MCC: variants seen among roughly 807,000 people sequenced by gnomAD.
The protein encoded by MCC is MCC regulator of Wnt signaling pathway.
In MCC, 90 loss-of-function variants were observed where a neutral mutation model predicts 116.2. That is an observed-to-expected ratio of 0.77 (90% CI 0.65 to 0.92). The LOEUF (loss-of-function observed/expected upper bound fraction) is 0.92, where lower values mean the gene tolerates loss of function less well. MCC is among the 40% of genes least tolerant of loss of function. The pLI is 0.00. For synonymous variants in MCC, 578 were observed against 510.5 expected, an observed-to-expected ratio of 1.13 and a Z score of -1.78; for missense variants, 1,516 against 1,312.2, an observed-to-expected ratio of 1.16 and a Z score of -2.40.
At chr5:113,238,206 C>T (rs1764223563) in intron 3 of MCC, among the ~76,000 whole-genome samples, 1 of 152,092 alleles carries the variant, frequency 6.6e-6, no homozygotes, top group African/African-American at 2.4e-5. Flanking sequence ...TTGAAATAGA[C>T]ATTAAATCAA....
chr5:113,057,151 AAAG>A (rs1411061930), intron 14 of MCC, among the ~76,000 whole-genome samples: 1 of 152,108 alleles, frequency 6.6e-6, no homozygotes, highest in African/African-American at 2.4e-5. Context: ...CAGGGGAGAG[AAAG>A]AAGGAGAAGT....
intron 1 of MCC, among the ~76,000 whole-genome samples, chr5:113,440,150 C>G (rs1770991782): frequency 6.6e-6 from 1 of 152,204 alleles, no homozygotes; most frequent in South Asian, 2.1e-4. Flanking sequence ...TATGAAAGTG[C>G]CCTTACTGGT....
chr5:113,046,438 C>T (rs373846268), intron 16 of MCC, among the ~76,000 whole-genome samples: 15 of 151,900 alleles, frequency 9.9e-5, no homozygotes, highest in Admixed American at 3.3e-4. Context: ...GTGATCCACC[C>T]GCCTCGGGTT....
chr5:113,402,788 ATGT>A (rs1361767041), intron 1 of MCC, among the ~76,000 whole-genome samples: 1 of 152,100 alleles, frequency 6.6e-6, no homozygotes, highest in African/African-American at 2.4e-5. Flanking sequence ...CAGGCAAGAA[ATGT>A]TGTCATTGTG....
chr5:113,139,757 T>TATA (rs1414675023), intron 5 of MCC, among the ~76,000 whole-genome samples: 1 of 152,208 alleles, frequency 6.6e-6, no homozygotes, highest in East Asian at 1.9e-4. Flanking sequence ...TTACTGGGTA[T>TATA]ATACCCAAAG....
chr5:113,137,904 G>T (rs897265153), intron 5 of MCC, among the ~76,000 whole-genome samples: 2 of 151,868 alleles, frequency 1.3e-5, no homozygotes, highest in Admixed American at 6.6e-5. Flanking sequence ...TCCATAATGC[G>T]ACTTACCACC....
intron 2 of MCC, among the ~76,000 whole-genome samples, chr5:113,360,094 A>T (rs1768509308): frequency 6.6e-6 from 1 of 152,008 alleles, no homozygotes; most frequent in Non-Finnish European, 1.5e-5. Flanking sequence ...ATCACATACA[A>T]CCTCTCGTAT....
Position 113,382,314 on chromosome 5 carries a change from C to T in MCC, c.415+2654G>A, listed in dbSNP as rs189771728. 7.3e-5 allele frequency among the ~76,000 whole-genome samples: 11 copies of T among 150,876 alleles called. No individual in the cohort carries two copies. In the East Asian group the frequency reaches 9.7e-4, roughly 13 times the overall value. On this transcript the variant is annotated intron_variant, in intron 2 of 18. Coordinates refer to ENST00000408903, the MANE Select transcript of MCC (RefSeq NM_001085377.2). ...GATACAGGGTCTTACTCTATCACCC[C>T]GGCTGGAGTGCAGTGGTGTAATCAT...
At chr5:113,076,883 C>A (rs1024467367) in intron 11 of MCC, among the ~76,000 whole-genome samples, 1 of 152,132 alleles carries the variant, frequency 6.6e-6, no homozygotes, top group African/African-American at 2.4e-5. Context: ...AGAGTCAAGA[C>A]CCATGAGTGT....
chr5:113,370,310 C>T (rs1199764173), intron 2 of MCC, among the ~76,000 whole-genome samples: 1 of 152,174 alleles, frequency 6.6e-6, no homozygotes, highest in African/African-American at 2.4e-5. Context: ...CCTTTGGACA[C>T]TGAGGCCCAA....
At chr5:113,111,288 G>A (rs866037887) in intron 6 of MCC, among the ~76,000 whole-genome samples, 1 of 152,172 alleles carries the variant, frequency 6.6e-6, no homozygotes, top group Non-Finnish European at 1.5e-5. Context: ...CCCTCCCCAT[G>A]GCTGTGTGGT....
intron 1 of MCC, among the ~76,000 whole-genome samples, chr5:113,431,721 C>T (rs997733492): frequency 3.1e-5 from 4 of 128,714 alleles, no homozygotes; most frequent in Admixed American, 9.2e-5. Context: ...TGTGGCCAGG[C>T]GCGGTGGCTC....
intron 3 of MCC, among the ~76,000 whole-genome samples, chr5:113,203,527 G>A (rs376671806): frequency 5.9e-5 from 9 of 151,662 alleles, no homozygotes; most frequent in African/African-American, 1.9e-4. Context: ...TGACCTGCCC[G>A]GGGGGCCACC....
chr5:113,279,819 A>C (rs150680280), intron 3 of MCC, among the ~76,000 whole-genome samples: 3 of 152,230 alleles, frequency 2.0e-5, no homozygotes, highest in Non-Finnish European at 2.9e-5. Flanking sequence ...GTGCATCACT[A>C]AACAGTTTTG....
chr5:113,079,753 G>T (rs1754722725), intron 11 of MCC, among the ~76,000 whole-genome samples: 1 of 152,182 alleles, frequency 6.6e-6, no homozygotes, highest in Admixed American at 6.5e-5. Flanking sequence ...CATGGGCAAG[G>T]ACTTCATGAC....
intron 8 of MCC, chr5:113,101,415 G>A: frequency 4.0e-6 from 1 of 249,222 alleles, no homozygotes; most frequent in South Asian, 8.4e-5. Flanking sequence ...AAGACTATTA[G>A]TTTATCCTAA....
intron 3 of MCC, among the ~76,000 whole-genome samples, chr5:113,289,556 A>C (rs1457800379): frequency 6.6e-6 from 1 of 152,134 alleles, no homozygotes; most frequent in African/African-American, 2.4e-5. Context: ...TTTCACTTCC[A>C]TATTTTAAGA....
chr5:113,240,888 T>C (rs993508022), intron 3 of MCC, among the ~76,000 whole-genome samples: 1 of 152,162 alleles, frequency 6.6e-6, no homozygotes, highest in Non-Finnish European at 1.5e-5. Flanking sequence ...AGCTGGGTAC[T>C]AGGCGAGGAA....
intron 1 of MCC, among the ~76,000 whole-genome samples, chr5:113,470,281 C>A (rs559114479): frequency 6.6e-6 from 1 of 151,834 alleles, no homozygotes; most frequent in African/African-American, 2.4e-5. Context: ...TAGCCTTGAT[C>A]GTCTTTACAA....
Sources: allele counts gnomAD v4.1 joint callset (sites outside exome capture counted in the v4.1 genomes callset), GRCh38; gene constraint gnomAD v4.1.1; transcripts MANE v1.5; gene names NCBI Gene and HGNC (gene_info 2026-07-23, HGNC 2026-07-21).